The following TENM2 variants were observed in gnomAD, a reference collection of about 807,000 sequenced individuals.
TENM2 encodes teneurin transmembrane protein 2, also known as teneurin-2.
Under a neutral mutation model 245.2 loss-of-function variants are expected in TENM2, and 52 were observed. That is an observed-to-expected ratio of 0.21 (90% CI 0.17 to 0.27). The LOEUF (loss-of-function observed/expected upper bound fraction) is 0.27. TENM2 is among the 10% of genes least tolerant of loss of function. TENM2 has a pLI of 1.00. For synonymous variants in TENM2, 1,363 were observed against 1,438.9 expected (o/e 0.95, Z 1.19); for missense variants, 3,046 against 3,666.8 (o/e 0.83, Z 4.37).
chr5:167,946,819 AGT>A (rs1483679973), intron 3 of TENM2, among the ~76,000 whole-genome samples: 1 of 152,142 alleles, frequency 6.6e-6, no homozygotes, highest in Non-Finnish European at 1.5e-5. Context: ...GTCTCCTAGG[AGT>A]AAGTGGGAAT....
intron 2 of TENM2, chr5:167,821,142 G>A (rs1371527303): frequency 6.6e-6 from 1 of 152,150 alleles, no homozygotes; most frequent in Non-Finnish European, 1.5e-5. Flanking sequence ...ATACTCTGGT[G>A]GTTTAGAAAA....
At chr5:167,429,494 C>T (rs1403258457) in intron 2 of TENM2, among the ~76,000 whole-genome samples, 1 of 150,870 alleles carries the variant, frequency 6.6e-6, no homozygotes, top group Non-Finnish European at 1.5e-5. Flanking sequence ...TGAAAATGAA[C>T]AAGACAAAAG....
chr5:167,016,082 G>A, the TENM2 span, among the ~76,000 whole-genome samples: 794 of 151,796 alleles, frequency 5.2e-3, 4 homozygotes, highest in Middle Eastern at 0.02. Flanking sequence ...ATGAAACTCC[G>A]TCTCTACTAA....
At chr5:167,279,873 C>T (rs1006412283), upstream of TENM2, among the ~76,000 whole-genome samples, 36 of 152,158 alleles carry the variant, frequency 2.4e-4, no homozygotes, top group African/African-American at 8.4e-4. Context: ...ATAATGCTGA[C>T]ATCTTTGTCA....
chr5:168,216,250 G>A (rs1763183518), intron 21 of TENM2, among the ~76,000 whole-genome samples: 1 of 152,104 alleles, frequency 6.6e-6, no homozygotes, highest in Non-Finnish European at 1.5e-5. Context: ...TGTCCCCCTG[G>A]GGCATTGAAG....
chr5:167,524,733 AG>A (rs771923698), intron 2 of TENM2, among the ~76,000 whole-genome samples: 112 of 152,038 alleles, frequency 7.4e-4, no homozygotes, highest in Middle Eastern at 3.4e-3. Context: ...ATTAAATCAA[AG>A]TCACTGATGG....
chr5:167,759,835 A>C lies in TENM2; in HGVS notation c.503-116151A>C, dbSNP rs1471756851. 7.9e-5 allele frequency among the ~76,000 whole-genome samples: 12 copies of C among 152,320 alleles called. No homozygotes were observed. The East Asian group carries it at 2.1e-3, about 27-fold the overall frequency. On this transcript the variant is annotated intron_variant, in intron 2 of 28. Transcript: ENST00000518659. ...ATAATTATGCAAGAGCTAGTTTACA[A>C]AGGTGCTGACAAACCCCACCTGGAG...
chr5:168,260,190 A>G, intron 27 of TENM2, 93 bp from the exon 30 acceptor site: 2 of 1,431,670 alleles, frequency 1.4e-6, no homozygotes, highest in Non-Finnish European at 9.7e-7. Flanking sequence ...CCTACACCCA[A>G]CCACCCATTT....
In TENM2 at chr5:167,724,271, C is replaced by G. The variant is rs541828126; in HGVS notation, c.503-151715C>G. On this transcript the variant is annotated intron_variant, in intron 2 of 28. Coordinates refer to ENST00000518659, the Ensembl canonical transcript of TENM2. ...TGTAAATGGTTTTGGAAAAGACAATCTGTGGATAAATTACTAGTTTTTTTT... is the reference window on the plus strand; with the variant it reads ...TGTAAATGGTTTTGGAAAAGACAATGTGTGGATAAATTACTAGTTTTTTTT... Among the ~76,000 whole-genome samples, 9 of 151,930 alleles carry G rather than the reference C, an allele frequency of 5.9e-5. No homozygotes were observed. The South Asian group carries it at 1.7e-3, about 28-fold the overall frequency.
At chr5:167,510,733 T>C (rs980783575) in intron 2 of TENM2, among the ~76,000 whole-genome samples, 4 of 151,998 alleles carry the variant, frequency 2.6e-5, no homozygotes, top group African/African-American at 9.7e-5. Context: ...TTTAGTTTTT[T>C]GTTGTTGTTT....
intron 26 of TENM2, among the ~76,000 whole-genome samples, chr5:168,246,133 T>C (rs544965131): frequency 2.0e-5 from 3 of 151,168 alleles, no homozygotes; most frequent in Admixed American, 6.6e-5. Context: ...CTTGGGAGGC[T>C]GAGACAGGAG....
At chr5:167,946,936 A>G (rs911709425) in intron 3 of TENM2, among the ~76,000 whole-genome samples, 12 of 152,176 alleles carry the variant, frequency 7.9e-5, no homozygotes, top group African/African-American at 2.9e-4. Flanking sequence ...TATCATCAGC[A>G]TCAATTGTTT....
At chr5:167,819,714 T>C (rs1348152688) in intron 2 of TENM2, among the ~76,000 whole-genome samples, 1 of 152,166 alleles carries the variant, frequency 6.6e-6, no homozygotes, top group Non-Finnish European at 1.5e-5. Flanking sequence ...AATGTGCTGT[T>C]GAGCTATAGA....
intron 2 of TENM2, among the ~76,000 whole-genome samples, chr5:167,585,850 G>A (rs1775452754): frequency 6.6e-6 from 1 of 152,132 alleles, no homozygotes; most frequent in Admixed American, 6.5e-5. Flanking sequence ...AGCAGGCCAG[G>A]CACGGTGGCT....
chr5:168,171,111 T>C (rs75194345), intron 13 of TENM2, among the ~76,000 whole-genome samples: 4,091 of 152,336 alleles, frequency 0.027, 70 homozygotes, highest in Middle Eastern at 0.041. Context: ...ATGTAGTCAT[T>C]CAGTTCTCAG....
chr5:167,728,168 C>A (rs1416974993), intron 2 of TENM2, among the ~76,000 whole-genome samples: 1 of 152,136 alleles, frequency 6.6e-6, no homozygotes, highest in Admixed American at 6.5e-5. Context: ...CCACTTCATC[C>A]CCTACCCCTT....
chr5:167,018,378 C>CT, the TENM2 span, among the ~76,000 whole-genome samples: 5,551 of 140,576 alleles, frequency 0.039, 282 homozygotes, highest in African/African-American at 0.12. Context: ...TTCCCTGTTT[C>CT]TTTTTTTTTT....
chr5:167,699,121 T>A (rs184657037), intron 2 of TENM2, among the ~76,000 whole-genome samples: 75 of 152,240 alleles, frequency 4.9e-4, no homozygotes, highest in African/African-American at 1.6e-3. Context: ...TTGGCTTTGA[T>A]TAGTAAAAAG....
In TENM2 at chr5:167,996,252, C is replaced by T. The variant is rs908178066; in HGVS notation, c.1186+3070C>T. On this transcript the variant is annotated intron_variant, in intron 5 of 28. Transcript: ENST00000518659. ...GCAAACTAGATGACCCAGGTCTTTA[C>T]GAGCTCAGCAGAGATGCCCAGTTCC... 5.9e-5 allele frequency among the ~76,000 whole-genome samples: 9 copies of T among 152,080 alleles called. 1 individual carries two copies. The highest frequency in any genetic ancestry group is 8.8e-5 in the Non-Finnish European group (6 of 68,024).
Sources: gnomAD v4.1 joint callset for allele counts (sites outside exome capture counted in the v4.1 genomes callset) on GRCh38, gnomAD v4.1.1 for gene constraint, MANE v1.5 for transcripts, NCBI Gene and HGNC (gene_info 2026-07-23, HGNC 2026-07-21) for gene names.